SPHKAP: variants seen among roughly 807,000 people sequenced by gnomAD.
SPHKAP encodes A-kinase anchor protein SPHKAP.
SPHKAP carries 67 observed loss-of-function variants against 137.5 expected under a neutral mutation model. The observed-to-expected ratio is 0.49, with a 90% confidence interval of 0.40 to 0.60. The LOEUF is 0.60. Ranked by LOEUF, SPHKAP falls within the 20% of genes least tolerant of loss-of-function variation. SPHKAP has a pLI of 0.00. For missense variants in SPHKAP, 2,097 were observed against 2,069.3 expected, an observed-to-expected ratio of 1.01 and a Z score of -0.26; for synonymous variants, 813 against 785.3, an observed-to-expected ratio of 1.04 and a Z score of -0.59.
intron 3 of SPHKAP, among the ~76,000 whole-genome samples, chr2:228,032,808 T>C (rs1001835274): frequency 6.6e-6 from 1 of 152,062 alleles, no homozygotes; most frequent in Non-Finnish European, 1.5e-5. Flanking sequence ...AATAAAATAC[T>C]TTACAGACAA....
At chr2:227,992,832 G>A (rs926328742) in intron 9 of SPHKAP, among the ~76,000 whole-genome samples, 1 of 152,174 alleles carries the variant, frequency 6.6e-6, no homozygotes, top group Non-Finnish European at 1.5e-5. Context: ...TCATTGCTCT[G>A]AAATTTCAGA....
At chr2:228,158,982 A>G (rs1700193101) in intron 1 of SPHKAP, among the ~76,000 whole-genome samples, 2 of 152,242 alleles carry the variant, frequency 1.3e-5, no homozygotes, top group African/African-American at 2.4e-5. Flanking sequence ...ATATCACTGA[A>G]TGGATTCAGT....
At chr2:228,031,063 C>T (rs1016703078) in intron 3 of SPHKAP, among the ~76,000 whole-genome samples, 9 of 152,188 alleles carry the variant, frequency 5.9e-5, no homozygotes, top group South Asian at 2.1e-4. Flanking sequence ...CAAAGGAGGG[C>T]GAGGTGTTGC....
chr2:228,033,648 A>G (rs1695449728), intron 3 of SPHKAP, among the ~76,000 whole-genome samples: 1 of 152,210 alleles, frequency 6.6e-6, no homozygotes, highest in South Asian at 2.1e-4. Flanking sequence ...TCCTCAGCAA[A>G]TGTAAAAGAA....
chr2:228,053,420 A>G (rs1300349515), intron 3 of SPHKAP, among the ~76,000 whole-genome samples: 1 of 152,128 alleles, frequency 6.6e-6, no homozygotes, highest in Admixed American at 6.5e-5. Context: ...CCTGCAACAA[A>G]TCTGTTTGTC....
At chr2:228,142,912 A>C (rs1213717670) in intron 1 of SPHKAP, among the ~76,000 whole-genome samples, 13 of 152,122 alleles carry the variant, frequency 8.5e-5, no homozygotes, top group African/African-American at 2.9e-4. Context: ...TTCATATGAC[A>C]TTTCTGAAAA....
chr2:228,017,642 C>T lies in SPHKAP; in HGVS notation c.3212G>A (p.Ser1071Asn), dbSNP rs530894793. Residue 1071 changes from serine to asparagine, a missense_variant, in exon 7 of 12, where the codon AGT becomes AAT. Transcript: ENST00000392056. ...AQGYPRNRLL[S>N]GDRWSRLKAS... ...CTTCAGCCGGCTCCACCTGTCGCCA[C>T]TCAGTAACCGATTCCGGGGATAGCC... 1 of 1,614,032 alleles carries T rather than the reference C, an allele frequency of 6.2e-7. No individual in the cohort carries two copies. Among genetic ancestry groups the T allele is most frequent in the East Asian group, 2.2e-5 (1 of 44,856 alleles).
intron 7 of SPHKAP, 104 bp downstream of exon 7, chr2:228,016,302 C>A (rs986538875): frequency 2.1e-6 from 3 of 1,425,230 alleles, no homozygotes; most frequent in Non-Finnish European, 2.7e-6. Context: ...AAATTTAGTT[C>A]TTGCACCAAT....
rs1245586607 is a variant in SPHKAP at position 228,093,872 on chromosome 2, A to AAAAC, written c.246+14959_246+14960insGTTT. On this transcript the variant is annotated intron_variant, in intron 3 of 11. Transcript: ENST00000392056. Reference sequence around the variant, plus strand: ...AAGACTCCGTTTCAAAAAAAAAAAAAAAAAAAAAAAAAAACAAAGCTATTG... The same window carrying AAAAC: ...AAGACTCCGTTTCAAAAAAAAAAAAAAAACAAAAAAAAAAAAAACAAAGCTATTG... Among the ~76,000 whole-genome samples the AAAAC allele has an allele frequency of 2.1e-4, 31 of 150,024 alleles. 2 individuals carry two copies. Among genetic ancestry groups the AAAAC allele is most frequent in the Non-Finnish European group, 1.8e-4 (12 of 67,570 alleles).
chr2:228,020,049 C>T lies in SPHKAP; in HGVS notation c.805G>A (p.Glu269Lys), dbSNP rs1331053729. ...GGATATTTGTTGATGTATTTGTCTT[C>T]CAAAGCATAAAGCCACTTTTCCTTG... ...CNKEKWLYALEDKYINKYPTP... is the reference protein window; with the variant it reads ...CNKEKWLYALKDKYINKYPTP... Residue 269 changes from glutamate to lysine, a missense_variant, in exon 7 of 12, where the codon GAA becomes AAA. Physicochemically the swap from Glu to Lys is moderately conservative, Grantham distance 56 (BLOSUM62 1). Transcript: ENST00000392056. The T allele has an allele frequency of 1.2e-6, 2 of 1,614,178 alleles. No individual in the cohort carries two copies. Among genetic ancestry groups the T allele is most frequent in the Admixed American group, 3.3e-5 (2 of 60,022 alleles).
intron 1 of SPHKAP, among the ~76,000 whole-genome samples, chr2:228,150,233 G>A (rs1699889886): frequency 6.6e-6 from 1 of 152,104 alleles, no homozygotes; most frequent in Non-Finnish European, 1.5e-5. Context: ...TAATATTTTG[G>A]TTGGGCAGCT....
At chr2:228,051,332 T>C (rs1337579792) in intron 3 of SPHKAP, among the ~76,000 whole-genome samples, 1 of 152,182 alleles carries the variant, frequency 6.6e-6, no homozygotes, top group Non-Finnish European at 1.5e-5. Context: ...TCTATATCCA[T>C]AGGAAAAAAT....
At chr2:228,147,053 T>C (rs1699798044) in intron 1 of SPHKAP, among the ~76,000 whole-genome samples, 1 of 152,248 alleles carries the variant, frequency 6.6e-6, no homozygotes, top group Non-Finnish European at 1.5e-5. Flanking sequence ...AAAATTGCCA[T>C]ATTTTATTTC....
Position 228,019,021 on chromosome 2 carries a change from G to A in SPHKAP, c.1833C>T (p.Gly611=), listed in dbSNP as rs1694727285. The change falls in exon 7 of 12, where the codon GGC becomes GGT. Residue 611 remains glycine (G), a synonymous_variant. Coordinates refer to ENST00000392056, the MANE Select transcript of SPHKAP (RefSeq NM_001142644.2). ...PLCGLASMEL[G]KEAIAKGLLK... ...GCAATCCCTTGGCAATGGCTTCCTT[G>A]CCAAGCTCCATGCTTGCTAAACCAC... is the stretch of plus-strand genomic sequence containing the variant. 2.5e-6 allele frequency: 4 copies of A among 1,613,958 alleles called. No individual in the cohort carries two copies. The highest frequency in any genetic ancestry group is 3.4e-6 in the Non-Finnish European group (4 of 1,179,930).
At chr2:228,141,343 A>G (rs1699601854) in intron 1 of SPHKAP, among the ~76,000 whole-genome samples, 2 of 152,176 alleles carry the variant, frequency 1.3e-5, no homozygotes, top group African/African-American at 2.4e-5. Context: ...TCATGGTGCT[A>G]TTTCCTGTAA....
At chr2:228,056,769 T>C (rs10208409) in intron 3 of SPHKAP, among the ~76,000 whole-genome samples, 43,893 of 151,964 alleles carry the variant, frequency 0.29, 6,626 homozygotes, top group East Asian at 0.42. Context: ...ATAGAATTAC[T>C]TTTATACTCT....
intron 3 of SPHKAP, among the ~76,000 whole-genome samples, chr2:228,036,972 C>A (rs557556193): frequency 7.3e-4 from 111 of 151,886 alleles, no homozygotes; most frequent in Non-Finnish European, 1.4e-3. Flanking sequence ...AACATGGCAC[C>A]TGTATACATA....
intron 1 of SPHKAP, among the ~76,000 whole-genome samples, chr2:228,173,477 G>A (rs150482712): frequency 2.0e-5 from 3 of 152,114 alleles, no homozygotes; most frequent in African/African-American, 7.2e-5. Flanking sequence ...TAATCACAAG[G>A]TTTATTAAAA....
In SPHKAP at chr2:228,027,458, C is replaced by T. The variant is rs372871035; in HGVS notation, c.306+26G>A. The T allele has an allele frequency of 2.5e-5, 41 of 1,609,198 alleles. No homozygotes were observed. The Middle Eastern group carries it at 5.0e-4, about 19-fold the overall frequency. On this transcript the variant is annotated intron_variant, in intron 4 of 11. Transcript: ENST00000392056. ...TTGAATAGTCCTTGTAATGACCTCC[C>T]GGTCAGCTTGAGTTTCAAATGTTAC...
Sources: allele counts gnomAD v4.1 joint callset (sites outside exome capture counted in the v4.1 genomes callset), GRCh38; gene constraint gnomAD v4.1.1; transcripts MANE v1.5; gene names NCBI Gene and HGNC (gene_info 2026-07-23, HGNC 2026-07-21).